DYRK3: variants seen among roughly 807,000 people sequenced by gnomAD.
The protein encoded by DYRK3 is dual specificity tyrosine-phosphorylation-regulated kinase 3.
DYRK3 carries 30 observed loss-of-function variants against 40.8 expected under a neutral mutation model. The observed-to-expected ratio is 0.74, with a 90% CI of 0.55 to 1.00. The LOEUF (loss-of-function observed/expected upper bound fraction) is 1.00, where lower values mean the gene tolerates loss of function less well. Among genes scored for constraint, DYRK3 ranks in the 50% least tolerant of loss-of-function variants. The probability of loss-of-function intolerance (pLI) is 0.00; values close to 1 mark genes in which losing one functional copy is unlikely to be tolerated. For missense variants in DYRK3, 699 were observed against 731.5 expected, an observed-to-expected ratio of 0.96 and a Z score of 0.51; for synonymous variants, 272 against 260.7, an observed-to-expected ratio of 1.04 and a Z score of -0.42.
In DYRK3 at chr1:206,654,984, A is replaced by G. The variant is rs1671717202; in HGVS notation, c.*6019A>G. 6.6e-6 allele frequency among the ~76,000 whole-genome samples: 1 copy of G among 152,192 alleles called. No individual in the cohort carries two copies. The highest frequency in any genetic ancestry group is 1.5e-5 in the Non-Finnish European group (1 of 68,028). The stretch of plus-strand genomic sequence containing the variant: ...GTGACCTGTGGCTATTTCAGCTCAG[A>G]ATGTCAGCCTCTGAAGCATCAGGTT... On this transcript the variant is annotated 3_prime_UTR_variant, in exon 3 of 3. Coordinates refer to ENST00000367109, the MANE Select transcript of DYRK3 (RefSeq NM_003582.4).
chr1:206,636,820 C>A (rs771570689), intron 1 of DYRK3: 4 of 1,180,476 alleles, frequency 3.4e-6, no homozygotes, highest in Admixed American at 2.5e-5. Flanking sequence ...ATACATTATT[C>A]AGGGCCATCT....
At chr1:206,639,314 A>G (rs574820781) in intron 2 of DYRK3, among the ~76,000 whole-genome samples, 5 of 152,276 alleles carry the variant, frequency 3.3e-5, no homozygotes, top group African/African-American at 1.2e-4. Flanking sequence ...TTTCTTTAAT[A>G]TGTCAAAATG....
Position 206,637,719 on chromosome 1 carries a change from A to G in DYRK3, c.147A>G (p.Val49=), listed in dbSNP as rs1462385794. 1.9e-6 allele frequency: 3 copies of G among 1,613,948 alleles called. No individual in the cohort carries two copies. The East Asian group carries it at 6.7e-5, about 36-fold the overall frequency. The change falls in exon 2 of 3, where the codon GTA becomes GTG. Residue 49 remains valine, a synonymous_variant. Transcript: ENST00000367109. ...CCAAATGTCCCCCCTGTTCAAATGT[A>G]CTCTGCAATCCTTCTGAACCACCTC... is the stretch of plus-strand genomic sequence containing the variant. ...DETKCPPCSN[V]LCNPSEPPPP...
intron 2 of DYRK3, among the ~76,000 whole-genome samples, chr1:206,639,465 A>ATTTTT (rs11400833): frequency 3.4e-5 from 4 of 118,534 alleles, no homozygotes; most frequent in Admixed American, 9.5e-5. Flanking sequence ...ATTTTAACTG[A>ATTTTT]TTTTTTTTTT....
rs201628362 is a variant in DYRK3, at chr1:206,649,172, T to G, written c.*207T>G. 2 of 531,658 alleles carry G rather than the reference T, an allele frequency of 3.8e-6. No individual in the cohort carries two copies. The highest frequency in any genetic ancestry group is 6.5e-6 in the Non-Finnish European group (2 of 305,724). The allele number at this position is 531,658 out of a possible 1,614,324, so 32.9% of individuals were successfully genotyped here. A position where few individuals can be genotyped will look rare whatever the true frequency, so the allele number is the denominator to read the frequency against. ...TGTATTGGCCATCTGGAATATGCAT[T>G]AAATGACTTTTTATAGGTCAATGCA... On this transcript the variant is annotated 3_prime_UTR_variant, in exon 3 of 3. Transcript: ENST00000367109.
chr1:206,636,720 A>G (rs1572438187), intron 1 of DYRK3, among the ~76,000 whole-genome samples: 1 of 152,210 alleles, frequency 6.6e-6, no homozygotes, highest in East Asian at 1.9e-4. Context: ...CAACATCATC[A>G]TTGTTATATT....
At position 206,653,304 on chromosome 1, in the gene DYRK3, G is replaced by A. The variant is rs1419589277; in HGVS notation, c.*4339G>A. Reference sequence around the variant, plus strand: ...AAGTGCTGGGATTATAGGTGTGAGCGACCGTGCCCAGCCTCATTTTTTCTT... The same window carrying A: ...AAGTGCTGGGATTATAGGTGTGAGCAACCGTGCCCAGCCTCATTTTTTCTT... On this transcript the variant is annotated 3_prime_UTR_variant, in exon 3 of 3. Coordinates refer to ENST00000367109, the MANE Select transcript of DYRK3 (RefSeq NM_003582.4). Among the ~76,000 whole-genome samples the A allele has an allele frequency of 1.3e-5, 2 of 152,048 alleles. No individual in the cohort carries two copies. Among genetic ancestry groups the A allele is most frequent in the Admixed American group, 6.6e-5 (1 of 15,256 alleles).
chr1:206,648,367 T>A lies in DYRK3; in HGVS notation c.1169T>A (p.Ile390Asn). The change falls in exon 3 of 3, where the codon ATT (isoleucine) becomes AAT (asparagine). Residue 390 changes from isoleucine to asparagine, a missense_variant. Coordinates refer to ENST00000367109, the MANE Select transcript of DYRK3 (RefSeq NM_003582.4). ...IILGSRYSTP[I>N]DIWSFGCILA... ...TTAGGAAGCCGCTACAGCACACCAA[T>A]TGACATATGGAGTTTTGGCTGCATC... The A allele has an allele frequency of 6.2e-7, 1 of 1,614,108 alleles. No individual in the cohort carries two copies. Among genetic ancestry groups the A allele is most frequent in the Non-Finnish European group, 8.5e-7 (1 of 1,180,012 alleles).
rs782388988 is a variant in DYRK3 at position 206,648,064 on chromosome 1, A to T, written c.866A>T (p.Glu289Val). The T allele has an allele frequency of 5.0e-6, 8 of 1,614,150 alleles. No homozygotes were observed. ...CGGAACCATGTTTGCATGGCCTTTGAATTGCTGAGCATAGACCTTTATGAG... is the reference window on the plus strand; with the variant it reads ...CGGAACCATGTTTGCATGGCCTTTGTATTGCTGAGCATAGACCTTTATGAG... ...TFRNHVCMAFELLSIDLYELI... is the reference protein window; with the variant it reads ...TFRNHVCMAFVLLSIDLYELI... The change falls in exon 3 of 3, where the codon GAA becomes GTA. Residue 289 changes from glutamate (E) to valine (V), a missense_variant. Transcript: ENST00000367109.
chr1:206,649,247 G>C lies in DYRK3; in HGVS notation c.*282G>C. 1 of 316,966 alleles carries C rather than the reference G, an allele frequency of 3.2e-6. No individual in the cohort carries two copies. Among genetic ancestry groups the C allele is most frequent in the Non-Finnish European group, 5.8e-6 (1 of 171,328 alleles). 19.6% of individuals were successfully genotyped at this position (316,966 alleles called of 1,614,324 possible). A position where few individuals can be genotyped will look rare whatever the true frequency, so the allele number is the denominator to read the frequency against. Reference sequence around the variant, plus strand: ...TTTCAACTGATGTATTATACTATTGGTTTAAATCTCTTTCTCTCAAGATAG... The same window carrying C: ...TTTCAACTGATGTATTATACTATTGCTTTAAATCTCTTTCTCTCAAGATAG... On this transcript the variant is annotated 3_prime_UTR_variant, in exon 3 of 3. Coordinates refer to ENST00000367109, the MANE Select transcript of DYRK3 (RefSeq NM_003582.4).
intron 2 of DYRK3, among the ~76,000 whole-genome samples, chr1:206,642,516 C>G (rs1553419495): frequency 6.6e-6 from 1 of 152,170 alleles, no homozygotes; most frequent in Non-Finnish European, 1.5e-5. Context: ...ATAGCAAAGA[C>G]TTGGAACCAA....
In DYRK3 at chr1:206,649,444, CTG is replaced by C. The variant is rs1346260833; in HGVS notation, c.*482_*483del. 7.2e-5 allele frequency among the ~76,000 whole-genome samples: 11 copies of C among 152,196 alleles called. No individual in the cohort carries two copies. Among genetic ancestry groups the C allele is most frequent in the African/African-American group, 1.2e-4 (5 of 41,444 alleles). On this transcript the variant is annotated 3_prime_UTR_variant, in exon 3 of 3. Coordinates refer to ENST00000367109, the MANE Select transcript of DYRK3 (RefSeq NM_003582.4). Reference sequence around the variant, plus strand: ...TCTAGGTGAAAGAGCTCACAGCAGACTGTGGGGTGGGGGAGCACCAGGAAGCT... The same window carrying C: ...TCTAGGTGAAAGAGCTCACAGCAGACTGGGGTGGGGGAGCACCAGGAAGCT...
Position 206,647,605 on chromosome 1 carries a change from C to T in DYRK3, c.407C>T (p.Pro136Leu). ...AAATCCAACAGTTCATCCAAGGCAC[C>T]CAAAGTGGTGCCTCTGACTCCAGAA... is the stretch of plus-strand genomic sequence containing the variant. ...TVKSNSSSKA[P>L]KVVPLTPEQA... The change falls in exon 3 of 3, where the codon CCC becomes CTC. Residue 136 changes from proline to leucine, a missense_variant. Pro to Leu is a moderately conservative substitution (Grantham distance 98, BLOSUM62 -3). Transcript: ENST00000367109. The T allele has an allele frequency of 1.2e-6, 2 of 1,614,100 alleles. No individual in the cohort carries two copies. The highest frequency in any genetic ancestry group is 1.1e-5 in the South Asian group (1 of 91,076).
At chr1:206,639,342 C>A (rs535417129) in intron 2 of DYRK3, among the ~76,000 whole-genome samples, 1 of 152,278 alleles carries the variant, frequency 6.6e-6, no homozygotes, top group East Asian at 1.9e-4. Context: ...ACTTCAGAAC[C>A]ATATACATCT....
At position 206,637,711 on chromosome 1, in the gene DYRK3, T is replaced by A. The variant is rs782257146; in HGVS notation, c.139T>A (p.Ser47Thr). 1.9e-5 allele frequency: 30 copies of A among 1,614,082 alleles called. No individual in the cohort carries two copies. Among genetic ancestry groups the A allele is most frequent in the Non-Finnish European group, 2.4e-5 (28 of 1,179,980 alleles). ...AGATGAAACCAAATGTCCCCCCTGT[T>A]CAAATGTACTCTGCAATCCTTCTGA... ...MIDETKCPPC[S>T]NVLCNPSEPP... The change falls in exon 2 of 3, where the codon TCA becomes ACA. Residue 47 changes from serine (S) to threonine (T), a missense_variant. By Grantham distance (58) the Ser-to-Thr change is moderately conservative (BLOSUM62 1). Transcript: ENST00000367109.
At chr1:206,637,999 G>A (rs1172282161) in intron 2 of DYRK3, among the ~76,000 whole-genome samples, 1 of 151,894 alleles carries the variant, frequency 6.6e-6, no homozygotes, top group Non-Finnish European at 1.5e-5. Flanking sequence ...ATAGCACTAG[G>A]AAAAAAATAA....
intron 2 of DYRK3, among the ~76,000 whole-genome samples, chr1:206,641,212 CT>C (rs782050508): frequency 6.6e-6 from 1 of 151,980 alleles, no homozygotes; most frequent in African/African-American, 2.4e-5. Context: ...AGTGTGTAGT[CT>C]TTTACCTCTC....
chr1:206,647,372 A>G lies in DYRK3; in HGVS notation c.190-16A>G, dbSNP rs1021945948. Reference sequence around the variant, plus strand: ...CTAATGTTTTTAATGACTTATATTCATTTTCTCTTTCATAGATGACCACTG... The same window carrying G: ...CTAATGTTTTTAATGACTTATATTCGTTTTCTCTTTCATAGATGACCACTG... On this transcript the variant is annotated splice_polypyrimidine_tract_variant and intron_variant, in intron 2 of 2. Coordinates refer to ENST00000367109, the MANE Select transcript of DYRK3 (RefSeq NM_003582.4). 4 of 1,562,644 alleles carry G rather than the reference A, an allele frequency of 2.6e-6. No homozygotes were observed. Among genetic ancestry groups the G allele is most frequent in the Non-Finnish European group, 3.5e-6 (4 of 1,156,668 alleles).
Position 206,649,213 on chromosome 1 carries a change from T to C in DYRK3, c.*248T>C, listed in dbSNP as rs1323837708. ...GGTCAATGCATCTTTGTTATTATCG[T>C]CAGATGTATTTCAACTGATGTATTA... is the stretch of plus-strand genomic sequence containing the variant. On this transcript the variant is annotated 3_prime_UTR_variant, in exon 3 of 3. Transcript: ENST00000367109. The C allele has an allele frequency of 2.2e-6, 1 of 448,686 alleles. No homozygotes were observed. The highest frequency in any genetic ancestry group is 3.9e-5 in the East Asian group (1 of 25,848). 27.8% of individuals were successfully genotyped at this position (448,686 alleles called of 1,614,324 possible). A position where few individuals can be genotyped will look rare whatever the true frequency, so the allele number is the denominator to read the frequency against.
Sources: allele counts gnomAD v4.1 joint callset (sites outside exome capture counted in the v4.1 genomes callset), GRCh38; gene constraint gnomAD v4.1.1; transcripts MANE v1.5; gene names NCBI Gene and HGNC (gene_info 2026-07-23, HGNC 2026-07-21).